Variants in BTG4 observed in about 807,000 individuals in gnomAD.
BTG4 encodes the protein BTG anti-proliferation factor 4.
In BTG4, 10 loss-of-function variants were observed where a neutral mutation model predicts 19.3. That is an observed-to-expected ratio of 0.52 (90% CI 0.32 to 0.88). The LOEUF (loss-of-function observed/expected upper bound fraction) is 0.88. Ranked by LOEUF, BTG4 falls within the 40% of genes least tolerant of loss-of-function variation. The pLI, the probability that BTG4 is intolerant of heterozygous loss-of-function variation, is 0.04. For synonymous variants in BTG4, 91 were observed against 95.7 expected (o/e 0.95, Z 0.29); for missense variants, 238 against 281.9 (o/e 0.84, Z 1.11).
chr11:111,387,223 A>G, the BTG4 span, among the ~76,000 whole-genome samples: 1 of 152,214 alleles, frequency 6.6e-6, no homozygotes, highest in Non-Finnish European at 1.5e-5. Flanking sequence ...GTTTTCCAAG[A>G]AAAGATCATG....
chr11:111,427,215 G>C, the BTG4 span, among the ~76,000 whole-genome samples: 1 of 152,184 alleles, frequency 6.6e-6, no homozygotes, highest in Non-Finnish European at 1.5e-5. Context: ...CTCAGCTCTA[G>C]AGACTAGAGG....
the BTG4 span, chr11:111,451,384 T>C: frequency 1.8e-5 from 8 of 453,370 alleles, no homozygotes; most frequent in Admixed American, 9.4e-5. Context: ...GTCTTTCGTC[T>C]GAGCAGCAAC....
the BTG4 span, among the ~76,000 whole-genome samples, chr11:111,418,399 T>A: frequency 6.6e-6 from 1 of 152,198 alleles, no homozygotes; most frequent in Non-Finnish European, 1.5e-5. Context: ...TTGGCCATCA[T>A]CATCACAAAG....
the BTG4 span, among the ~76,000 whole-genome samples, chr11:111,428,303 A>G: frequency 6.6e-6 from 1 of 151,362 alleles, no homozygotes; most frequent in African/African-American, 2.4e-5. Context: ...AAGACCCTAC[A>G]CCCTTCTCTA....
At chr11:111,480,482 A>G (rs1197696948) in intron 5 of BTG4, among the ~76,000 whole-genome samples, 2 of 152,064 alleles carry the variant, frequency 1.3e-5, no homozygotes, top group Non-Finnish European at 2.9e-5. Context: ...TTTATGGGAC[A>G]TTCCCCCCAA....
At chr11:111,394,811 A>T in the BTG4 span, among the ~76,000 whole-genome samples, 1 of 151,986 alleles carries the variant, frequency 6.6e-6, no homozygotes, top group East Asian at 2.0e-4. Context: ...TGGTGATAAA[A>T]ACGACTGCCA....
downstream of BTG4, among the ~76,000 whole-genome samples, chr11:111,492,473 A>C (rs1048429529): frequency 2.0e-5 from 3 of 152,226 alleles, no homozygotes; most frequent in African/African-American, 4.8e-5. Context: ...AGAACACAAT[A>C]CTTCTTACTC....
the BTG4 span, among the ~76,000 whole-genome samples, chr11:111,387,712 T>C: frequency 6.6e-6 from 1 of 152,228 alleles, no homozygotes; most frequent in East Asian, 1.9e-4. Context: ...TTATTATCTA[T>C]GGCCTGAGAC....
the BTG4 span, chr11:111,451,486 C>T: frequency 4.7e-6 from 2 of 424,742 alleles, no homozygotes; most frequent in South Asian, 1.6e-5. Flanking sequence ...CTGCTGCAGG[C>T]CAGGTGTGGT....
upstream of BTG4, chr11:111,514,252 G>A (rs111406491): frequency 3.4e-3 from 540 of 159,136 alleles, 2 homozygotes; most frequent in African/African-American, 0.012. Flanking sequence ...AGATTTAAAG[G>A]ATTCAGAATT....
chr11:111,427,065 T>A, the BTG4 span, among the ~76,000 whole-genome samples: 29 of 152,202 alleles, frequency 1.9e-4, no homozygotes, highest in African/African-American at 6.8e-4. Flanking sequence ...AGTTTCTTCA[T>A]AAGTGGGTAA....
upstream of BTG4, chr11:111,512,888 C>A (rs915191429): frequency 3.1e-5 from 13 of 424,434 alleles, no homozygotes; most frequent in Admixed American, 2.5e-4. Context: ...CGGGCCCCGA[C>A]CCCGCGTCGG....
the BTG4 span, among the ~76,000 whole-genome samples, chr11:111,387,143 A>G: frequency 6.6e-6 from 1 of 152,234 alleles, no homozygotes; most frequent in Admixed American, 6.5e-5. Context: ...ATATCACTGA[A>G]TTCTCTTTCA....
the BTG4 span, chr11:111,454,306 C>T: frequency 1.3e-3 from 582 of 456,372 alleles, 6 homozygotes; most frequent in African/African-American, 0.01. Context: ...TTGGAGACTG[C>T]CTCAGGCAGT....
the BTG4 span, among the ~76,000 whole-genome samples, chr11:111,428,150 T>A: frequency 8.5e-5 from 13 of 152,322 alleles, no homozygotes; most frequent in East Asian, 2.3e-3. Flanking sequence ...ACAGAAAATT[T>A]CTGAGTTAGG....
the BTG4 span, among the ~76,000 whole-genome samples, chr11:111,422,598 A>C: frequency 6.6e-6 from 1 of 152,212 alleles, no homozygotes; most frequent in African/African-American, 2.4e-5. Flanking sequence ...GAGCCTGGGC[A>C]TCAAGTGCAC....
In BTG4 at chr11:111,495,152, C is replaced by G. The variant is rs1361172569; in HGVS notation, c.673G>C (p.Val225Leu). The G allele has an allele frequency of 1.4e-5, 22 of 1,577,380 alleles. No individual in the cohort carries two copies. The African/African-American group carries it at 2.3e-4, about 17-fold the overall frequency. The change falls in exon 5 of 5, where the codon GTC (valine) becomes CTC (leucine). Residue 225 changes from valine to leucine, a missense_variant. By Grantham distance (32) the Val-to-Leu change is conservative. Coordinates refer to ENST00000692032, the MANE Select transcript of BTG4 (RefSeq NM_001367975.1). Reference sequence around the variant, plus strand: ...TCGCTGCGTCATCGGTGTGTGTTGACCCAGTGGTACCTGTCCAGCCGGTGC... The same window carrying G: ...TCGCTGCGTCATCGGTGTGTGTTGAGCCAGTGGTACCTGTCCAGCCGGTGC... The part of the protein sequence containing the change: ...AMHRLDRYHW[V>L]NTHR
the BTG4 span, among the ~76,000 whole-genome samples, chr11:111,413,123 T>G: frequency 2.6e-5 from 4 of 151,910 alleles, no homozygotes; most frequent in African/African-American, 4.8e-5. Context: ...AGATAGAGAC[T>G]AGAAGGAGGT....
At chr11:111,443,422 A>T in the BTG4 span, among the ~76,000 whole-genome samples, 2 of 152,274 alleles carry the variant, frequency 1.3e-5, no homozygotes, top group South Asian at 4.1e-4. Flanking sequence ...CAAATGTACC[A>T]TATTAATGTA....
Sources: allele counts gnomAD v4.1 joint callset (sites outside exome capture counted in the v4.1 genomes callset), GRCh38; gene constraint gnomAD v4.1.1; transcripts MANE v1.5; gene names NCBI Gene and HGNC (gene_info 2026-07-23, HGNC 2026-07-21).